C8orf34: variants seen among roughly 807,000 people sequenced by gnomAD.
The protein encoded by C8orf34 is uncharacterized protein C8orf34.
Under a neutral mutation model 68.3 loss-of-function variants are expected in C8orf34, and 65 were observed. That is an observed-to-expected ratio of 0.95 (90% CI 0.78 to 1.17). The LOEUF (loss-of-function observed/expected upper bound fraction) is 1.17. Ranked by LOEUF, C8orf34 falls within the 50% of genes most tolerant of loss-of-function variation. C8orf34 has a pLI of 0.00. For synonymous variants in C8orf34, 244 were observed against 241.2 expected (o/e 1.01, Z -0.11); for missense variants, 664 against 655.4 (o/e 1.01, Z -0.14).
At chr8:68,529,003 C>T (rs566189189) in intron 6 of C8orf34, among the ~76,000 whole-genome samples, 1 of 152,302 alleles carries the variant, frequency 6.6e-6, no homozygotes, top group African/African-American at 2.4e-5. Context: ...CTCTAAATCA[C>T]CCATGTAAGC....
intron 1 of C8orf34, among the ~76,000 whole-genome samples, chr8:68,425,834 A>G (rs960019658): frequency 1.3e-5 from 2 of 152,180 alleles, no homozygotes; most frequent in African/African-American, 2.4e-5. Context: ...GGATAAATAC[A>G]TAGGTCAATG....
chr8:68,419,891 G>C (rs1042216116), intron 1 of C8orf34, among the ~76,000 whole-genome samples: 3 of 149,812 alleles, frequency 2.0e-5, no homozygotes, highest in African/African-American at 4.9e-5. Flanking sequence ...TGACGAGTTA[G>C]TGGGTGCAGC....
rs945771585 is a variant in C8orf34, at chr8:68,446,487, A to C, written c.607+27A>C. On this transcript the variant is annotated intron_variant, in intron 3 of 13. Coordinates refer to ENST00000518698, the MANE Select transcript of C8orf34 (RefSeq NM_052958.4). Reference sequence around the variant, plus strand: ...TAAGGAAGTCTCTTATTCAAATGCTATTCAAAGCATGTAAGTTTATGTTGT... The same window carrying C: ...TAAGGAAGTCTCTTATTCAAATGCTCTTCAAAGCATGTAAGTTTATGTTGT... 6 of 1,594,696 alleles carry C rather than the reference A, an allele frequency of 3.8e-6. No homozygotes were observed. In the African/African-American group the frequency reaches 6.8e-5, roughly 18 times the overall value.
At chr8:68,787,937 A>G (rs966147591) in intron 12 of C8orf34, among the ~76,000 whole-genome samples, 7 of 152,212 alleles carry the variant, frequency 4.6e-5, no homozygotes, top group African/African-American at 1.7e-4. Flanking sequence ...AGATATTTAC[A>G]TATGTAGACA....
intron 7 of C8orf34, among the ~76,000 whole-genome samples, chr8:68,540,306 T>C (rs1815650725): frequency 6.6e-6 from 1 of 150,948 alleles, no homozygotes; most frequent in African/African-American, 2.4e-5. Flanking sequence ...TAATAAATGA[T>C]GTATTTCTTA....
At chr8:68,464,590 A>G (rs899299309) in intron 3 of C8orf34, among the ~76,000 whole-genome samples, 1 of 152,298 alleles carries the variant, frequency 6.6e-6, no homozygotes, top group Admixed American at 6.5e-5. Flanking sequence ...TGGTACTGGT[A>G]CCAAAACAGA....
At chr8:68,602,880 T>C (rs887582274) in intron 7 of C8orf34, among the ~76,000 whole-genome samples, 2 of 152,088 alleles carry the variant, frequency 1.3e-5, no homozygotes, top group Non-Finnish European at 2.9e-5. Flanking sequence ...CCCCCATGTT[T>C]TCTGTTCATG....
At chr8:68,548,026 C>T (rs73268438) in intron 7 of C8orf34, among the ~76,000 whole-genome samples, 102 of 151,832 alleles carry the variant, frequency 6.7e-4, no homozygotes, top group African/African-American at 2.2e-3. Context: ...TGACCCTCTA[C>T]GCCACAACAA....
intron 7 of C8orf34, among the ~76,000 whole-genome samples, chr8:68,547,336 G>A (rs760436922): frequency 5.9e-5 from 9 of 151,690 alleles, no homozygotes; most frequent in Non-Finnish European, 1.2e-4. Context: ...AAAACAAGAA[G>A]AAAAGTATGT....
chr8:68,345,695 A>ATATACATATATACATACATGTGTGTATT (rs1283299813), intron 1 of C8orf34, among the ~76,000 whole-genome samples: 7 of 152,022 alleles, frequency 4.6e-5, no homozygotes, highest in Non-Finnish European at 8.8e-5. Context: ...ACATACATAT[A>ATATACATATATACATACATGTGTGTATT]TATACATATA....
At chr8:68,816,114 G>GTGTGTGTGTGTGTGTGTGTGTTTCTC (rs1824807850) in intron 13 of C8orf34, among the ~76,000 whole-genome samples, 169 bp downstream of exon 13, 4 of 137,096 alleles carry the variant, frequency 2.9e-5, no homozygotes, top group Non-Finnish European at 4.6e-5. Flanking sequence ...GAGTGTGTGT[G>GTGTGTGTGTGTGTGTGTGTGTTTCTC]TGTGTGTGTG....
intron 10 of C8orf34, among the ~76,000 whole-genome samples, chr8:68,728,478 C>G (rs1821894492): frequency 6.6e-6 from 1 of 152,168 alleles, no homozygotes; most frequent in African/African-American, 2.4e-5. Flanking sequence ...AGCAATGCCC[C>G]ACTCTACTGG....
At chr8:68,708,376 T>C (rs147156108) in intron 8 of C8orf34, among the ~76,000 whole-genome samples, 17 of 152,336 alleles carry the variant, frequency 1.1e-4, no homozygotes, top group African/African-American at 4.1e-4. Context: ...TTATAACATT[T>C]ATAAAAATTA....
chr8:68,788,197 A>T (rs1823896910), intron 12 of C8orf34, among the ~76,000 whole-genome samples: 1 of 152,180 alleles, frequency 6.6e-6, no homozygotes, highest in Admixed American at 6.5e-5. Flanking sequence ...GAGAAAAATA[A>T]CAATTGTATG....
chr8:68,534,355 C>G (rs1815374737), intron 7 of C8orf34: 1 of 981,774 alleles, frequency 1.0e-6, no homozygotes, highest in Non-Finnish European at 1.2e-6. Context: ...CTTCATTCAA[C>G]AAACATTTAC....
At chr8:68,427,899 T>A (rs895961405) in intron 1 of C8orf34, among the ~76,000 whole-genome samples, 3 of 149,712 alleles carry the variant, frequency 2.0e-5, no homozygotes, top group African/African-American at 4.9e-5. Context: ...TAAGTTTTTT[T>A]ATTATATGCA....
chr8:68,757,684 G>A (rs962162837), intron 10 of C8orf34, among the ~76,000 whole-genome samples: 2 of 152,086 alleles, frequency 1.3e-5, no homozygotes. Flanking sequence ...GAATATTGTG[G>A]TGAACATGTA....
chr8:68,800,936 T>C (rs1453657867), intron 12 of C8orf34, among the ~76,000 whole-genome samples: 3 of 152,142 alleles, frequency 2.0e-5, no homozygotes, highest in Admixed American at 2.0e-4. Flanking sequence ...AAATGAAAAA[T>C]AAATGCATAT....
chr8:68,689,954 T>C lies in C8orf34; in HGVS notation c.1242-19040T>C, dbSNP rs1033549672. 6.6e-5 allele frequency among the ~76,000 whole-genome samples: 10 copies of C among 152,022 alleles called. 1 individual carries two copies. Among genetic ancestry groups the C allele is most frequent in the African/African-American group, 2.4e-4 (10 of 41,434 alleles). Reference sequence around the variant, plus strand: ...GCTTAGACTGACTTCAAAGCCCCAATTGCTACTGTGCAATGCTGCCTCCTA... The same window carrying C: ...GCTTAGACTGACTTCAAAGCCCCAACTGCTACTGTGCAATGCTGCCTCCTA... On this transcript the variant is annotated intron_variant, in intron 8 of 13. Transcript: ENST00000518698.
Sources: allele counts gnomAD v4.1 joint callset (sites outside exome capture counted in the v4.1 genomes callset), GRCh38; gene constraint gnomAD v4.1.1; transcripts MANE v1.5; gene names NCBI Gene and HGNC (gene_info 2026-07-23, HGNC 2026-07-21).